Variants in PCDHA6 observed in about 807,000 individuals in gnomAD.
PCDHA6 encodes protocadherin alpha-6.
Under a neutral mutation model 60.3 loss-of-function variants are expected in PCDHA6, and 55 were observed. That is an observed-to-expected ratio of 0.91 (90% confidence interval 0.73 to 1.14). PCDHA6 has a LOEUF of 1.14. Ranked by LOEUF, PCDHA6 falls within the 50% of genes most tolerant of loss-of-function variation. The probability of loss-of-function intolerance (pLI) is 0.00; values close to 1 mark genes in which losing one functional copy is unlikely to be tolerated. For synonymous variants in PCDHA6, 652 were observed against 557.9 expected (o/e 1.17, Z -2.38); for missense variants, 1,327 against 1,256.5 (o/e 1.06, Z -0.85).
At chr5:140,901,553 A>C (rs1387848935) in intron 1 of PCDHA6, among the ~76,000 whole-genome samples, 1 of 152,072 alleles carries the variant, frequency 6.6e-6, no homozygotes, top group African/African-American at 2.4e-5. Flanking sequence ...TGTTCCATTC[A>C]TCTATGTGTC....
chr5:140,927,705 C>T (rs2084535217), intron 1 of PCDHA6: 1 of 1,614,100 alleles, frequency 6.2e-7, no homozygotes, highest in African/African-American at 1.3e-5. Flanking sequence ...TCCAGTACTC[C>T]CTAAGCAACA....
At position 141,010,190 on chromosome 5, in the gene PCDHA6, CCTTT is replaced by C. The variant is rs763940360; in HGVS notation, c.*256_*259del. On this transcript the variant is annotated 3_prime_UTR_variant, in exon 4 of 4. Coordinates refer to ENST00000529310, the MANE Select transcript of PCDHA6 (RefSeq NM_018909.4). ...GAACCTAAAAAGCAGACCCAAGTTT[CCTTT>C]CTCCTCCGCCGCAAAGGAGAGGCTT... 6.4e-7 allele frequency: 1 copy of C among 1,552,504 alleles called. No individual in the cohort carries two copies. Among genetic ancestry groups the C allele is most frequent in the Non-Finnish European group, 8.7e-7 (1 of 1,147,234 alleles).
intron 1 of PCDHA6, chr5:140,876,869 A>G: frequency 1.9e-6 from 3 of 1,614,030 alleles, no homozygotes; most frequent in Non-Finnish European, 2.5e-6. Flanking sequence ...TTCGTGAAGG[A>G]GAACAACCCG....
chr5:140,989,509 T>G (rs1554250840), intron 3 of PCDHA6, among the ~76,000 whole-genome samples: 1 of 152,196 alleles, frequency 6.6e-6, no homozygotes, highest in African/African-American at 2.4e-5. Context: ...GCTTATAACC[T>G]GAGTTGAGGG....
At chr5:140,918,510 A>G (rs1224635164) in intron 1 of PCDHA6, among the ~76,000 whole-genome samples, 1 of 152,144 alleles carries the variant, frequency 6.6e-6, no homozygotes, top group Non-Finnish European at 1.5e-5. Flanking sequence ...ATCCTTTTAA[A>G]CTTATTGAGG....
chr5:140,860,083 G>T (rs781794157), intron 1 of PCDHA6: 12 of 151,782 alleles, frequency 7.9e-5, no homozygotes, highest in Non-Finnish European at 1.5e-4. Context: ...GAGGCCAGGA[G>T]TTCAAGACCA....
At chr5:140,869,126 G>A in intron 1 of PCDHA6, 4 of 1,611,734 alleles carry the variant, frequency 2.5e-6, no homozygotes, top group Non-Finnish European at 3.4e-6. Context: ...CAGAGAAGGG[G>A]ATTGGGCACC....
At position 140,897,557 on chromosome 5, in the gene PCDHA6, A is replaced by G. The variant is rs2066188249; in HGVS notation, c.2394+67072A>G. Reference sequence around the variant, plus strand: ...GGCTGCATAGTCTTCCATGGTGTATATGTGCCACATTTTCTTAATCCAGTC... The same window carrying G: ...GGCTGCATAGTCTTCCATGGTGTATGTGTGCCACATTTTCTTAATCCAGTC... On this transcript the variant is annotated intron_variant, in intron 1 of 3. Coordinates refer to ENST00000529310, the MANE Select transcript of PCDHA6 (RefSeq NM_018909.4). Among the ~76,000 whole-genome samples, 4 of 151,994 alleles carry G rather than the reference A, an allele frequency of 2.6e-5. No individual in the cohort carries two copies. The South Asian group carries it at 8.3e-4, about 32-fold the overall frequency.
chr5:140,948,912 C>A (rs1038670333), intron 1 of PCDHA6, among the ~76,000 whole-genome samples: 1 of 150,924 alleles, frequency 6.6e-6, no homozygotes, highest in Non-Finnish European at 1.5e-5. Context: ...TCTTAGGTAA[C>A]TGATTAGGTA....
At position 140,853,803 on chromosome 5, in the gene PCDHA6, C is replaced by T. The variant is rs574954325; in HGVS notation, c.2394+23318C>T. ...GTAAGAGCAAATTTTCATTTTAAAG[C>T]ACACCTGAGATGATTCTCATACAAC... On this transcript the variant is annotated intron_variant, in intron 1 of 3. Transcript: ENST00000529310. 88 of 986,658 alleles carry T rather than the reference C, an allele frequency of 8.9e-5. 10 individuals are homozygous for T. The highest frequency in any genetic ancestry group is 1.9e-4 in the South Asian group (4 of 21,086). The allele number at this position is 986,658 out of a possible 1,614,324, so 61.1% of individuals were successfully genotyped here. A position where few individuals can be genotyped will look rare whatever the true frequency, so the allele number is the denominator to read the frequency against.
At chr5:140,848,357 TG>T in intron 1 of PCDHA6, 1 of 1,035,374 alleles carries the variant, frequency 9.7e-7, no homozygotes, top group Non-Finnish European at 1.4e-6. Flanking sequence ...CCTTTTCCCA[TG>T]GGAAAGAGGC....
At chr5:140,946,210 G>C (rs140796631) in intron 1 of PCDHA6, among the ~76,000 whole-genome samples, 1 of 152,052 alleles carries the variant, frequency 6.6e-6, no homozygotes, top group African/African-American at 2.4e-5. Flanking sequence ...GCACACAAAT[G>C]ACCAACAGGT....
rs1262836505 is a variant in PCDHA6 at position 141,012,081 on chromosome 5, T to C, written c.*2144T>C. The C allele has an allele frequency of 6.5e-6, 1 of 153,748 alleles. No individual in the cohort carries two copies. Among genetic ancestry groups the C allele is most frequent in the Non-Finnish European group, 1.5e-5 (1 of 68,042 alleles). 9.5% of individuals were successfully genotyped at this position (153,748 alleles called of 1,614,324 possible). On this transcript the variant is annotated 3_prime_UTR_variant, in exon 4 of 4. Transcript: ENST00000529310. Reference sequence around the variant, plus strand: ...CAACACATGTGAACCATTGCTACATTGTAGGTTGTGATCATTTTGCCCCAC... The same window carrying C: ...CAACACATGTGAACCATTGCTACATCGTAGGTTGTGATCATTTTGCCCCAC...
At chr5:140,880,064 G>C (rs967410421) in intron 1 of PCDHA6, among the ~76,000 whole-genome samples, 2 of 152,148 alleles carry the variant, frequency 1.3e-5, no homozygotes, top group African/African-American at 2.4e-5. Context: ...ACTTTTTGGG[G>C]ACCACAATTC....
chr5:140,942,157 T>C (rs2093241169), intron 1 of PCDHA6, among the ~76,000 whole-genome samples: 1 of 152,236 alleles, frequency 6.6e-6, no homozygotes, highest in Non-Finnish European at 1.5e-5. Context: ...TAAAACAGCT[T>C]CCATATTTCT....
intron 1 of PCDHA6, among the ~76,000 whole-genome samples, chr5:140,917,553 T>C (rs1220066857): frequency 6.6e-6 from 1 of 152,258 alleles, no homozygotes; most frequent in African/African-American, 2.4e-5. Context: ...TACATTTAAC[T>C]CTTTAATCCA....
At chr5:140,862,745 A>G (rs1403297614) in intron 1 of PCDHA6, 1 of 578,200 alleles carries the variant, frequency 1.7e-6, no homozygotes, top group Non-Finnish European at 3.3e-6. Context: ...GTGTGGGTGC[A>G]CGCGGAGAGC....
intron 1 of PCDHA6, chr5:140,850,083 C>G: frequency 6.3e-7 from 1 of 1,596,622 alleles, no homozygotes; most frequent in Non-Finnish European, 8.6e-7. Context: ...GGAGCTGGAG[C>G]TGCTACAGTT....
chr5:140,922,350 G>A (rs2080793001), intron 1 of PCDHA6, among the ~76,000 whole-genome samples: 11 of 152,212 alleles, frequency 7.2e-5, no homozygotes, highest in Admixed American at 7.2e-4. Context: ...GTATTTTCTA[G>A]AGTAGTGATT....
Sources: allele counts gnomAD v4.1 joint callset (sites outside exome capture counted in the v4.1 genomes callset), GRCh38; gene constraint gnomAD v4.1.1; transcripts MANE v1.5; gene names NCBI Gene and HGNC (gene_info 2026-07-23, HGNC 2026-07-21).